IL1RAPL2: variants seen among roughly 807,000 people sequenced by gnomAD.
IL1RAPL2 encodes X-linked interleukin-1 receptor accessory protein-like 2.
In IL1RAPL2, 3 loss-of-function variants were observed where a neutral mutation model predicts 44.1. That is an observed-to-expected ratio of 0.07 (90% CI 0.03 to 0.18). The LOEUF (loss-of-function observed/expected upper bound fraction) is 0.18, where lower values mean the gene tolerates loss of function less well. Ranked by LOEUF, IL1RAPL2 falls within the 10% of genes least tolerant of loss-of-function variation. The pLI, the probability that IL1RAPL2 is intolerant of heterozygous loss-of-function variation, is 1.00. For missense variants in IL1RAPL2, 391 were observed against 496.4 expected, an observed-to-expected ratio of 0.79 and a Z score of 2.02; for synonymous variants, 181 against 178.8, an observed-to-expected ratio of 1.01 and a Z score of -0.10.
intron 5 of IL1RAPL2, among the ~76,000 whole-genome samples, chrX:105,313,704 C>CT (rs1386110137): frequency 9.0e-6 from 1 of 111,731 alleles, no homozygotes; most frequent in Admixed American, 9.6e-5. Flanking sequence ...CAATAACCTC[C>CT]TTTTGCAGTG....
intron 2 of IL1RAPL2, among the ~76,000 whole-genome samples, chrX:104,739,256 CTTAT>C (rs891491036): frequency 8.9e-6 from 1 of 111,821 alleles, no homozygotes; most frequent in Non-Finnish European, 1.9e-5. Flanking sequence ...TGTTGGTTCT[CTTAT>C]TTGTTAGTTT....
At chrX:105,757,744 G>A (rs758256652) in intron 10 of IL1RAPL2, among the ~76,000 whole-genome samples, 1 of 111,349 alleles carries the variant, frequency 9.0e-6, no homozygotes, top group African/African-American at 3.3e-5. Flanking sequence ...CTTCCTGAAC[G>A]AGGAAATTCA....
At position 105,159,982 on chromosome X, in the gene IL1RAPL2, ACCC is replaced by A. The variant is rs200123489; in HGVS notation, c.83-35484_83-35482del. 6.4e-4 allele frequency among the ~76,000 whole-genome samples: 47 copies of A among 73,001 alleles called. 1 individual carries two copies. Among genetic ancestry groups the A allele is most frequent in the African/African-American group, 2.5e-3 (47 of 18,692 alleles). The allele number at this position is 73,001 out of a possible 115,157, so 63.4% of individuals were successfully genotyped here. ...TAATTAGATACAGCTGACTTAAAGA[ACCC>A]CCCCCCCCACTCCACCCCATTTTTT... On this transcript the variant is annotated intron_variant, in intron 2 of 10. Transcript: ENST00000372582.
At chrX:105,238,962 G>A (rs1196388173) in intron 4 of IL1RAPL2, among the ~76,000 whole-genome samples, 5 of 111,576 alleles carry the variant, frequency 4.5e-5, no homozygotes, top group African/African-American at 1.6e-4. Context: ...GTACACCAAG[G>A]GGACTACTAT....
intron 6 of IL1RAPL2, among the ~76,000 whole-genome samples, chrX:105,642,207 C>T (rs931141741): frequency 5.4e-5 from 6 of 110,592 alleles, no homozygotes; most frequent in Non-Finnish European, 7.6e-5. Context: ...AACTCATTCC[C>T]TCACAGCCCT....
intron 1 of IL1RAPL2, among the ~76,000 whole-genome samples, chrX:104,581,816 A>T (rs1463984080): frequency 9.0e-6 from 1 of 111,405 alleles, no homozygotes; most frequent in African/African-American, 3.3e-5. Flanking sequence ...GGTGTGAGCC[A>T]CCATGCTTGG....
chrX:105,699,058 A>G (rs1325178699), intron 6 of IL1RAPL2, among the ~76,000 whole-genome samples: 5 of 111,620 alleles, frequency 4.5e-5, no homozygotes, highest in Non-Finnish European at 9.4e-5. Context: ...GAAAATATGT[A>G]GGGTTTTTTT....
chrX:105,292,410 C>T (rs1569419300), intron 5 of IL1RAPL2, among the ~76,000 whole-genome samples: 2 of 111,943 alleles, frequency 1.8e-5, no homozygotes. Context: ...GGTATAGTAT[C>T]GAAGAAGATC....
chrX:104,737,460 A>G (rs952600060), intron 2 of IL1RAPL2, among the ~76,000 whole-genome samples: 1 of 112,416 alleles, frequency 8.9e-6, no homozygotes, highest in Admixed American at 9.4e-5. Context: ...AAAAAGGAGG[A>G]TGGCAAGCTC....
intron 5 of IL1RAPL2, among the ~76,000 whole-genome samples, chrX:105,436,233 C>T (rs1480551262): frequency 9.1e-6 from 1 of 109,846 alleles, no homozygotes; most frequent in African/African-American, 3.3e-5. Context: ...CAGTGATTAC[C>T]AAGGGGTTAA....
At chrX:104,632,688 A>AT (rs1338345108) in intron 1 of IL1RAPL2, among the ~76,000 whole-genome samples, 1 of 108,041 alleles carries the variant, frequency 9.3e-6, no homozygotes, top group African/African-American at 3.3e-5. Context: ...TTGCACATTG[A>AT]TTTTGTATCC....
At chrX:105,591,042 A>G (rs964118067) in intron 6 of IL1RAPL2, among the ~76,000 whole-genome samples, 8 of 110,181 alleles carry the variant, frequency 7.3e-5, no homozygotes, top group Admixed American at 2.9e-4. Context: ...CCTCTGGTCC[A>G]GGACTTTCTC....
intron 2 of IL1RAPL2, among the ~76,000 whole-genome samples, chrX:104,660,644 C>T (rs1033843859): frequency 2.9e-5 from 3 of 104,650 alleles, no homozygotes; most frequent in Non-Finnish European, 5.8e-5. Context: ...CACACACATA[C>T]ACATATAGCT....
chrX:105,260,254 C>T (rs1668368489), intron 4 of IL1RAPL2, among the ~76,000 whole-genome samples: 1 of 112,295 alleles, frequency 8.9e-6, no homozygotes, highest in African/African-American at 3.2e-5. Context: ...CTAAGTTTCC[C>T]AAACAGCAAG....
intron 2 of IL1RAPL2, among the ~76,000 whole-genome samples, chrX:104,821,370 T>C (rs769263028): frequency 9.0e-6 from 1 of 110,974 alleles, no homozygotes; most frequent in South Asian, 3.9e-4. Flanking sequence ...ACGTTAGGTA[T>C]TTCTCCTAAT....
At chrX:104,786,304 A>C (rs1479455742) in intron 2 of IL1RAPL2, among the ~76,000 whole-genome samples, 1 of 111,535 alleles carries the variant, frequency 9.0e-6, no homozygotes, top group African/African-American at 3.3e-5. Context: ...CAGTGATCTC[A>C]TATCCTCTCT....
At chrX:104,996,975 C>G (rs1477927397) in intron 2 of IL1RAPL2, among the ~76,000 whole-genome samples, 2 of 111,292 alleles carry the variant, frequency 1.8e-5, no homozygotes. Context: ...ATTTGTCAAG[C>G]TAGAAGGACA....
rs372925400 is a variant in IL1RAPL2, at chrX:105,749,070, A to C, written c.1159A>C (p.Arg387=). 52 of 1,207,638 alleles carry C rather than the reference A, an allele frequency of 4.3e-5. No homozygotes were observed. The highest frequency in any genetic ancestry group is 5.8e-5 in the Non-Finnish European group (52 of 893,616). ...CAACATTGAATTGATGCTCTTCTAC[A>C]GGCAGCACTTTGGAGCTGATGAAAC... ...CYNIELMLFY[R]QHFGADETND... Residue 387 remains arginine, a synonymous_variant, in exon 9 of 11, where the codon AGG becomes CGG. Transcript: ENST00000372582.
intron 6 of IL1RAPL2, among the ~76,000 whole-genome samples, chrX:105,665,956 GT>G (rs2037763273): frequency 9.2e-6 from 1 of 108,358 alleles, no homozygotes; most frequent in Non-Finnish European, 1.9e-5. Context: ...TAGAGACGGG[GT>G]TTCACCGTCT....
Sources: allele counts gnomAD v4.1 joint callset (sites outside exome capture counted in the v4.1 genomes callset), GRCh38; gene constraint gnomAD v4.1.1; transcripts MANE v1.5; gene names NCBI Gene and HGNC (gene_info 2026-07-23, HGNC 2026-07-21).